The following RNF103 variants were observed in gnomAD, a reference collection of about 807,000 sequenced individuals.
The protein encoded by RNF103 is ring finger protein 103.
Under a neutral mutation model 66.2 loss-of-function variants are expected in RNF103, and 23 were observed. The ratio of observed to expected loss-of-function variants is 0.35; its 90% CI spans 0.25 to 0.49. RNF103 has a LOEUF of 0.49. Ranked by LOEUF, RNF103 falls within the 20% of genes least tolerant of loss-of-function variation. The probability of loss-of-function intolerance (pLI) is 0.98; values close to 1 mark genes in which losing one functional copy is unlikely to be tolerated. For missense variants in RNF103, 730 were observed against 814.7 expected (o/e 0.90, Z 1.27); for synonymous variants, 297 against 289.9 (o/e 1.02, Z -0.25).
intron 2 of RNF103, chr2:86,613,521 G>A (rs1205721546): frequency 6.6e-6 from 1 of 152,094 alleles, no homozygotes; most frequent in East Asian, 1.9e-4. Context: ...TTATATTTCT[G>A]ATACTATACA....
intron 3 of RNF103, among the ~76,000 whole-genome samples, chr2:86,607,764 A>ATGAC (rs1193757746): frequency 6.6e-6 from 1 of 152,196 alleles, no homozygotes; most frequent in African/African-American, 2.4e-5. Flanking sequence ...GATATTTGTG[A>ATGAC]TGACACATTT....
chr2:86,605,145 T>C lies in RNF103; in HGVS notation c.756A>G (p.Ala252=), dbSNP rs749126654. 7 of 1,613,742 alleles carry C rather than the reference T, an allele frequency of 4.3e-6. No homozygotes were observed. The highest frequency in any genetic ancestry group is 1.1e-5 in the South Asian group (1 of 91,088). The change falls in exon 4 of 4, where the codon GCA becomes GCG. Residue 252 remains alanine (A), a synonymous_variant. Transcript: ENST00000237455. ...NLDQPPAFFS[A]LSIKFTGRVE... ...CTCTTCCAGTAAACTTTATACTTAG[T>C]GCAGAGAAGAAAGCTGGGGGCTGGT...
At chr2:86,605,520 TC>T in intron 3 of RNF103, 102 bp from the exon 4 acceptor site, 1 of 1,245,130 alleles carries the variant, frequency 8.0e-7, no homozygotes, top group Non-Finnish European at 1.1e-6. Flanking sequence ...CCAAATAATT[TC>T]CAAATAATCA....
rs115470877 is a variant in RNF103 at position 86,618,378 on chromosome 2, G to A, written c.366+1952C>T. The A allele has an allele frequency of 4.4e-3, 710 of 160,892 alleles. 5 individuals are homozygous for A. Among genetic ancestry groups the A allele is most frequent in the African/African-American group, 0.016 (653 of 41,688 alleles). The allele number at this position is 160,892 out of a possible 1,614,324, so 10.0% of individuals were successfully genotyped here. ...ACAGAGCAAGGCCTTAGCTTGGTGT[G>A]TGTTTCTGGTATATCTTCAGGGCCC... On this transcript the variant is annotated intron_variant, in intron 2 of 3. Transcript: ENST00000237455.
At chr2:86,611,568 CAT>C (rs1678793626) in intron 3 of RNF103, among the ~76,000 whole-genome samples, 1 of 151,738 alleles carries the variant, frequency 6.6e-6, no homozygotes, top group Non-Finnish European at 1.5e-5. Context: ...AAAAACAAAA[CAT>C]AAACAAAAAC....
intron 2 of RNF103, among the ~76,000 whole-genome samples, chr2:86,619,656 T>C (rs143590957): frequency 1.3e-5 from 2 of 152,332 alleles, no homozygotes; most frequent in African/African-American, 4.8e-5. Context: ...ATTTTTCTAA[T>C]TTACATTAAA....
chr2:86,608,616 C>T (rs1678665879), intron 3 of RNF103, among the ~76,000 whole-genome samples: 1 of 151,922 alleles, frequency 6.6e-6, no homozygotes, highest in Admixed American at 6.6e-5. Context: ...CTGCAATCCC[C>T]CCTTCTCTTC....
chr2:86,617,666 C>T, intron 2 of RNF103: 5 of 985,826 alleles, frequency 5.1e-6, no homozygotes, highest in Non-Finnish European at 6.0e-6. Context: ...TTGTTAAAAA[C>T]AATTCTTGAA....
chr2:86,619,133 GTATT>G, intron 2 of RNF103, among the ~76,000 whole-genome samples: 1 of 152,280 alleles, frequency 6.6e-6, no homozygotes, highest in South Asian at 2.1e-4. Context: ...AGATGTATAT[GTATT>G]TATTTGAGGC....
chr2:86,606,677 A>G (rs1387111451), intron 3 of RNF103, among the ~76,000 whole-genome samples: 1 of 151,196 alleles, frequency 6.6e-6, no homozygotes, highest in Non-Finnish European at 1.5e-5. Context: ...AAAAAAAAAA[A>G]AAAAAAAAAA....
chr2:86,614,640 T>C (rs1573363830), intron 2 of RNF103: 1 of 507,414 alleles, frequency 2.0e-6, no homozygotes, highest in Non-Finnish European at 2.5e-6. Context: ...CCTAGAAAAT[T>C]AGGAAGATCA....
In RNF103 at chr2:86,604,152, A is replaced by C. The variant is rs1223026449; in HGVS notation, c.1749T>G (p.Cys583Trp). ...CCTTCCTTTCACATGGGCTGGTCTGACAATATTTATTGGCACATGAACAAG... is the reference window on the plus strand; with the variant it reads ...CCTTCCTTTCACATGGGCTGGTCTGCCAATATTTATTGGCACATGAACAAG... ...AEACSCANKYCQTSPCERKGR... is the reference protein window; with the variant it reads ...AEACSCANKYWQTSPCERKGR... The change falls in exon 4 of 4, where the codon TGT (cysteine) becomes TGG (tryptophan). Residue 583 changes from cysteine (C) to tryptophan (W), a missense_variant. Transcript: ENST00000237455. The C allele has an allele frequency of 1.2e-6, 2 of 1,613,460 alleles. No individual in the cohort carries two copies. Among genetic ancestry groups the C allele is most frequent in the Admixed American group, 1.7e-5 (1 of 60,028 alleles).
At position 86,604,162 on chromosome 2, in the gene RNF103, T is replaced by C. The variant is rs1218812053; in HGVS notation, c.1739A>G (p.Asn580Ser). The C allele has an allele frequency of 6.2e-6, 10 of 1,613,610 alleles. No individual in the cohort carries two copies. Among genetic ancestry groups the C allele is most frequent in the East Asian group, 2.2e-5 (1 of 44,892 alleles). Residue 580 changes from asparagine to serine, a missense_variant, in exon 4 of 4, where the codon AAT becomes AGT. By Grantham distance (46) the Asn-to-Ser change is conservative. Around this residue, in one of 3 missense-constraint regions of RNF103, gnomAD observed 355 missense variants for 351.9 expected, o/e 1.01. Transcript: ENST00000237455. ...HCDAEACSCANKYCQTSPCER... is the reference protein window; with the variant it reads ...HCDAEACSCASKYCQTSPCER... Reference sequence around the variant, plus strand: ...ACATGGGCTGGTCTGACAATATTTATTGGCACATGAACAAGCCTCAGCATC... The same window carrying C: ...ACATGGGCTGGTCTGACAATATTTACTGGCACATGAACAAGCCTCAGCATC...
intron 3 of RNF103, among the ~76,000 whole-genome samples, chr2:86,607,228 T>A (rs1678607212): frequency 6.6e-6 from 1 of 152,220 alleles, no homozygotes; most frequent in Non-Finnish European, 1.5e-5. Context: ...ACTCAGAATA[T>A]TGATGTAAAA....
rs1428788332 is a variant in RNF103 at position 86,623,822 on chromosome 2, C to A, written c.-936G>T. The A allele has an allele frequency of 3.9e-6, 5 of 1,288,116 alleles. No homozygotes were observed. The highest frequency in any genetic ancestry group is 5.1e-6 in the Non-Finnish European group (5 of 988,438). The allele number at this position is 1,288,116 out of a possible 1,614,324, so 79.8% of individuals were successfully genotyped here. On this transcript the variant is annotated 5_prime_UTR_variant, in exon 1 of 4. Transcript: ENST00000237455. The stretch of plus-strand genomic sequence containing the variant: ...CCGGAGACCGCGGCCGTACCCTCCA[C>A]AACCGTGTATCAGCGGCGGCCGCGG...
At position 86,604,315 on chromosome 2, in the gene RNF103, G is replaced by C. The variant is rs568049987; in HGVS notation, c.1586C>G (p.Ser529Trp). The change falls in exon 4 of 4, where the codon TCG becomes TGG. Residue 529 changes from serine (S) to tryptophan (W), a missense_variant. By Grantham distance (177) the Ser-to-Trp change is radical. This residue lies in a region of RNF103 where 355 missense variants were observed against 351.9 expected (regional missense o/e 1.01). Transcript: ENST00000237455. ...CLGVQSEEEM[S>W]EGSQDTENDS... The stretch of plus-strand genomic sequence containing the variant: ...ATTTTCAGTATCTTGAGACCCCTCC[G>C]ACATTTCCTCTTCAGACTGGACTCC... 1 of 1,614,144 alleles carries C rather than the reference G, an allele frequency of 6.2e-7. No homozygotes were observed. The highest frequency in any genetic ancestry group is 2.2e-5 in the East Asian group (1 of 44,890).
chr2:86,612,376 C>G (rs1678833590), intron 2 of RNF103, 102 bp from the exon 3 acceptor site: 3 of 664,908 alleles, frequency 4.5e-6, no homozygotes, highest in East Asian at 5.4e-5. Context: ...AAAAGATATT[C>G]TGTTCCCAGT....
At chr2:86,611,963 CAGAG>C (rs1678813504) in intron 3 of RNF103, among the ~76,000 whole-genome samples, 192 bp downstream of exon 3, 1 of 152,062 alleles carries the variant, frequency 6.6e-6, no homozygotes, top group Admixed American at 6.6e-5. Flanking sequence ...ATAGAGGAGA[CAGAG>C]AGAGATCTTA....
Position 86,603,398 on chromosome 2 carries a change from T to C in RNF103, c.*445A>G, listed in dbSNP as rs1234165617. 1 of 155,776 alleles carries C rather than the reference T, an allele frequency of 6.4e-6. No homozygotes were observed. The highest frequency in any genetic ancestry group is 2.4e-5 in the African/African-American group (1 of 41,540). 9.6% of individuals were successfully genotyped at this position (155,776 alleles called of 1,614,324 possible). ...ATTTAACATTGGAAAATCTGTAATC[T>C]TCTGGTTTTAAAATAATTTATTTCA... On this transcript the variant is annotated 3_prime_UTR_variant, in exon 4 of 4. Coordinates refer to ENST00000237455, the MANE Select transcript of RNF103 (RefSeq NM_005667.4).
Sources: gnomAD v4.1 joint callset for allele counts (sites outside exome capture counted in the v4.1 genomes callset) on GRCh38, gnomAD v4.1.1 for gene constraint, gnomAD v4.1.1 regional missense constraint, MANE v1.5 for transcripts, NCBI Gene and HGNC (gene_info 2026-07-23, HGNC 2026-07-21) for gene names.